STK3: variants seen among roughly 807,000 people sequenced by gnomAD.
STK3 encodes serine/threonine kinase 3, also known as serine/threonine-protein kinase 3.
Under a neutral mutation model 58.0 loss-of-function variants are expected in STK3, and 41 were observed. That is an observed-to-expected ratio of 0.71 (90% CI 0.55 to 0.92). The LOEUF (loss-of-function observed/expected upper bound fraction) is 0.92. STK3 is among the 40% of genes least tolerant of loss of function. STK3 has a pLI of 0.00. For missense variants in STK3, 479 were observed against 602.7 expected (o/e 0.79, Z 2.15); for synonymous variants, 170 against 191.0 (o/e 0.89, Z 0.91).
intron 1 of STK3, among the ~76,000 whole-genome samples, chr8:98,915,560 A>G (rs1839318408): frequency 6.6e-6 from 1 of 150,434 alleles, no homozygotes; most frequent in African/African-American, 2.5e-5. Flanking sequence ...AATATACACA[A>G]AAGTTTTTAT....
intron 6 of STK3, among the ~76,000 whole-genome samples, chr8:98,621,789 TG>T (rs1431789450): frequency 6.6e-6 from 1 of 152,064 alleles, no homozygotes; most frequent in African/African-American, 2.4e-5. Flanking sequence ...ACTATGACCC[TG>T]AATAAAGCAA....
At chr8:98,767,435 A>G in intron 2 of STK3, 64 bp from the exon 3 acceptor site, 1 of 1,440,200 alleles carries the variant, frequency 6.9e-7, no homozygotes, top group Non-Finnish European at 9.2e-7. Context: ...TTAAAAGTCT[A>G]CTATGAGTTT....
At chr8:98,742,067 T>G (rs1030202493) in intron 4 of STK3, among the ~76,000 whole-genome samples, 18 of 151,926 alleles carry the variant, frequency 1.2e-4, no homozygotes, top group African/African-American at 3.6e-4. Flanking sequence ...AATAACAGGC[T>G]CTGAAATTGT....
At chr8:98,855,353 T>G (rs1290048625) in intron 3 of STK3, among the ~76,000 whole-genome samples, 1 of 152,130 alleles carries the variant, frequency 6.6e-6, no homozygotes, top group Non-Finnish European at 1.5e-5. Context: ...AGAAATAAAT[T>G]TATATATCTA....
intron 3 of STK3, among the ~76,000 whole-genome samples, chr8:98,871,876 T>C (rs544958379): frequency 6.6e-6 from 1 of 152,330 alleles, no homozygotes; most frequent in South Asian, 2.1e-4. Flanking sequence ...CTTCCAACAC[T>C]GTGTTGAATA....
intron 3 of STK3, among the ~76,000 whole-genome samples, chr8:98,843,681 G>A (rs562833717): frequency 6.6e-6 from 1 of 152,246 alleles, no homozygotes; most frequent in East Asian, 1.9e-4. Context: ...TTTAGTTTAC[G>A]CCTGAAACAA....
At chr8:98,554,030 A>G (rs1811410930) in intron 8 of STK3, among the ~76,000 whole-genome samples, 1 of 152,190 alleles carries the variant, frequency 6.6e-6, no homozygotes, top group East Asian at 1.9e-4. Context: ...CTGAGGCTCA[A>G]ATAGGTTTCA....
At chr8:98,613,129 C>G (rs1817332900) in intron 6 of STK3, among the ~76,000 whole-genome samples, 1 of 152,242 alleles carries the variant, frequency 6.6e-6, no homozygotes, top group South Asian at 2.1e-4. Context: ...TGAGGAGCCA[C>G]TCCTGCTACT....
chr8:98,734,452 A>C (rs564183571), intron 4 of STK3, among the ~76,000 whole-genome samples: 10 of 152,310 alleles, frequency 6.6e-5, no homozygotes, highest in African/African-American at 2.4e-4. Flanking sequence ...CAAGTAGTCA[A>C]ATCAAAAAAT....
rs568701279 is a variant in STK3 at position 98,502,800 on chromosome 8, G to T, written c.1317+23942C>A. 2.6e-5 allele frequency among the ~76,000 whole-genome samples: 4 copies of T among 152,252 alleles called. No homozygotes were observed. The South Asian group carries it at 8.3e-4, about 32-fold the overall frequency. ...GCTTTTTGATGTGTTGCTGGATTCG[G>T]TTTCCCAGTATTTTATTGAGAATTT... is the stretch of plus-strand genomic sequence containing the variant. On this transcript the variant is annotated intron_variant, in intron 10 of 10. Transcript: ENST00000419617.
intron 1 of STK3, among the ~76,000 whole-genome samples, chr8:98,795,016 C>T (rs538390767): frequency 2.0e-4 from 26 of 131,386 alleles, no homozygotes; most frequent in Middle Eastern, 0.01. Flanking sequence ...TGCTGTGAGA[C>T]GAGATCGCGC....
chr8:98,663,798 A>C (rs988745429), intron 6 of STK3, among the ~76,000 whole-genome samples: 11 of 152,202 alleles, frequency 7.2e-5, no homozygotes, highest in African/African-American at 2.2e-4. Flanking sequence ...ACATTTTCTC[A>C]CTCATAGGTG....
chr8:98,736,511 A>C (rs1045804643), intron 4 of STK3, among the ~76,000 whole-genome samples: 4 of 152,204 alleles, frequency 2.6e-5, no homozygotes, highest in African/African-American at 9.6e-5. Context: ...CAGGCTAAAA[A>C]ATTTGAACTT....
At chr8:98,589,261 A>T (rs1313425180) in intron 7 of STK3, among the ~76,000 whole-genome samples, 53 of 151,470 alleles carry the variant, frequency 3.5e-4, no homozygotes, top group African/African-American at 1.1e-3. Flanking sequence ...GATGGTGATG[A>T]ACAGATGGGT....
intron 6 of STK3, among the ~76,000 whole-genome samples, chr8:98,643,679 A>G (rs1200370159): frequency 6.6e-6 from 1 of 152,234 alleles, no homozygotes; most frequent in Non-Finnish European, 1.5e-5. Context: ...GCCCATAGAA[A>G]AGTGGCTGAT....
the STK3 span, among the ~76,000 whole-genome samples, chr8:98,359,093 G>C: frequency 6.6e-6 from 1 of 152,180 alleles, no homozygotes; most frequent in South Asian, 2.1e-4. Flanking sequence ...AGAGATGTGA[G>C]CTCCCAGGGG....
At chr8:98,429,474 A>T (rs983703603) in intron 3 of STK3, 15 of 1,233,270 alleles carry the variant, frequency 1.2e-5, no homozygotes, top group Non-Finnish European at 1.8e-5. Context: ...CCTCTGGCAC[A>T]GCCCAGGCAC....
At chr8:98,812,769 A>G (rs897481321) in intron 1 of STK3, among the ~76,000 whole-genome samples, 2 of 152,216 alleles carry the variant, frequency 1.3e-5, no homozygotes, top group Non-Finnish European at 2.9e-5. Context: ...CACCATTCTG[A>G]GCAAACTATC....
chr8:98,491,310 A>T (rs978692982), intron 10 of STK3, among the ~76,000 whole-genome samples: 10 of 152,180 alleles, frequency 6.6e-5, no homozygotes, highest in Non-Finnish European at 7.3e-5. Flanking sequence ...TGATGATGAA[A>T]CCAATATCTG....
Sources: allele counts gnomAD v4.1 joint callset (sites outside exome capture counted in the v4.1 genomes callset), GRCh38; gene constraint gnomAD v4.1.1; transcripts MANE v1.5; gene names NCBI Gene and HGNC (gene_info 2026-07-23, HGNC 2026-07-21).